RICTOR: variants seen among roughly 807,000 people sequenced by gnomAD.
RICTOR encodes the protein rapamycin-insensitive companion of mTOR.
In RICTOR, 49 loss-of-function variants were observed where a neutral mutation model predicts 214.9. The observed-to-expected ratio is 0.23, with a 90% CI of 0.18 to 0.29. RICTOR has a LOEUF of 0.29. Among genes scored for constraint, RICTOR ranks in the 10% least tolerant of loss-of-function variants. The pLI is 1.00. For missense variants in RICTOR, 1,625 were observed against 2,047.0 expected (o/e 0.79, Z 3.98); for synonymous variants, 717 against 711.3 (o/e 1.01, Z -0.13).
chr5:38,953,401 G>GA (rs973396917), intron 28 of RICTOR, 60 bp downstream of exon 28: 1,680 of 691,002 alleles, frequency 2.4e-3, no homozygotes, highest in South Asian at 4.2e-3. Context: ...TAGTATAAAT[G>GA]AAAAAAAAAC....
At chr5:38,968,738 A>T (rs760591751) in intron 11 of RICTOR, among the ~76,000 whole-genome samples, 159 of 131,448 alleles carry the variant, frequency 1.2e-3, no homozygotes, top group Non-Finnish European at 1.4e-3. Context: ...CCTGCCTCTT[A>T]AAAAAAAAAA....
At chr5:38,992,283 T>C (rs927817132) in intron 6 of RICTOR, among the ~76,000 whole-genome samples, 3 of 152,146 alleles carry the variant, frequency 2.0e-5, no homozygotes, top group Admixed American at 6.5e-5. Flanking sequence ...GAAGGAGGTA[T>C]AGGAAGTATA....
intron 2 of RICTOR, among the ~76,000 whole-genome samples, chr5:39,055,417 T>TG (rs1554012756): frequency 9.1e-6 from 1 of 109,486 alleles, no homozygotes; most frequent in African/African-American, 3.8e-5. Context: ...CTCTGACAAT[T>TG]CCCCCCCCCC....
At chr5:39,025,795 C>T (rs1755770897) in intron 2 of RICTOR, among the ~76,000 whole-genome samples, 1 of 152,148 alleles carries the variant, frequency 6.6e-6, no homozygotes, top group African/African-American at 2.4e-5. Context: ...AGAGGCCCAC[C>T]TCCTAATACC....
At chr5:39,002,473 C>A in intron 5 of RICTOR, 62 bp downstream of exon 5, 1 of 1,077,216 alleles carries the variant, frequency 9.3e-7, no homozygotes, top group Non-Finnish European at 1.4e-6. Context: ...CACTTTATGG[C>A]AGGCATGCTA....
Position 38,981,911 on chromosome 5 carries a change from G to T in RICTOR, c.709C>A (p.His237Asn), listed in dbSNP as rs990667473. Reference sequence around the variant, plus strand: ...CGCACATACTGTCGAGTCTTTGGATGATTAAGAAGGTGCAAAATTGTAGTA... The same window carrying T: ...CGCACATACTGTCGAGTCTTTGGATTATTAAGAAGGTGCAAAATTGTAGTA... ...LITTILHLLN[H>N]PKTRQYVRAD... The change falls in exon 8 of 38, where the codon CAT becomes AAT. Residue 237 changes from histidine (H) to asparagine (N), a missense_variant. Physicochemically the swap from His to Asn is moderately conservative, Grantham distance 68. Transcript: ENST00000357387. The T allele has an allele frequency of 1.2e-6, 2 of 1,612,844 alleles. No individual in the cohort carries two copies. The highest frequency in any genetic ancestry group is 1.6e-4 in the Middle Eastern group (1 of 6,080).
rs113585934 is a variant in RICTOR, at chr5:39,074,361, C to G, written c.17G>C (p.Arg6Pro). 2 of 1,537,584 alleles carry G rather than the reference C, an allele frequency of 1.3e-6. No homozygotes were observed. Among genetic ancestry groups the G allele is most frequent in the African/African-American group, 1.4e-5 (1 of 71,518 alleles). ...TCGGAGGTTCTTCAGAGAGCGGCCG[C>G]GGCCGATCGCCGCCATATTGACGGG... is the stretch of plus-strand genomic sequence containing the variant. Reference protein sequence around the residue: MAAIGRGRSLKNLRVR... With the variant: MAAIGPGRSLKNLRVR... Residue 6 changes from arginine (R) to proline (P), a missense_variant, in exon 1 of 38, where the codon CGC becomes CCC. Arg to Pro is a moderately radical substitution (Grantham distance 103). This residue lies in a region of RICTOR where 71 missense variants were observed against 57.9 expected (regional missense o/e 1.23). Coordinates refer to ENST00000357387, the MANE Select transcript of RICTOR (RefSeq NM_152756.5).
rs1315634862 is a variant in RICTOR at position 38,937,950 on chromosome 5, A to G, written c.*4354T>C. The stretch of plus-strand genomic sequence containing the variant: ...GAATTTTAAGTACATTTTATTAACA[A>G]TGTATCCCTTTGATAAGATTATGCT... On this transcript the variant is annotated 3_prime_UTR_variant, in exon 38 of 38. Coordinates refer to ENST00000357387, the MANE Select transcript of RICTOR (RefSeq NM_152756.5). The surrounding 1 kb of genome is among the most constrained non-coding windows in gnomAD (Gnocchi z 4.0). The G allele has an allele frequency of 5.4e-6, 1 of 184,268 alleles. No individual in the cohort carries two copies. The highest frequency in any genetic ancestry group is 2.3e-5 in the African/African-American group (1 of 42,612). The allele number at this position is 184,268 out of a possible 1,614,324, so 11.4% of individuals were successfully genotyped here. A position where few individuals can be genotyped will look rare whatever the true frequency, so the allele number is the denominator to read the frequency against.
chr5:38,947,291 G>A lies in RICTOR; in HGVS notation c.4287C>T (p.Leu1429=). 6.2e-7 allele frequency: 1 copy of A among 1,612,174 alleles called. No individual in the cohort carries two copies. Among genetic ancestry groups the A allele is most frequent in the Non-Finnish European group, 8.5e-7 (1 of 1,178,686 alleles). ...GGSDDYIGLA[L]PVDINDIFQV... is the part of the protein sequence containing the mutation. Reference sequence around the variant, plus strand: ...GGAATATATCATTTATATCCACCGGGAGAGCAAGACCAATGTAATCATCTG... The same window carrying A: ...GGAATATATCATTTATATCCACCGGAAGAGCAAGACCAATGTAATCATCTG... The change falls in exon 32 of 38, where the codon CTC becomes CTT. Residue 1429 remains leucine, a synonymous_variant. Transcript: ENST00000357387.
At chr5:38,958,607 A>C (rs1414672207) in intron 23 of RICTOR, 60 bp downstream of exon 23, 2 of 1,514,484 alleles carry the variant, frequency 1.3e-6, no homozygotes, top group Admixed American at 3.8e-5. Flanking sequence ...CTTTTACATA[A>C]TTGTCAAATG....
intron 2 of RICTOR, among the ~76,000 whole-genome samples, chr5:39,056,471 A>G (rs558729998): frequency 6.6e-5 from 10 of 152,048 alleles, no homozygotes; most frequent in African/African-American, 2.4e-4. Context: ...CTGTCTCTAC[A>G]AAAAATACCA....
At chr5:39,066,500 A>G (rs1190889800) in intron 2 of RICTOR, among the ~76,000 whole-genome samples, 2 of 152,260 alleles carry the variant, frequency 1.3e-5, no homozygotes, top group Admixed American at 1.3e-4. Flanking sequence ...TTATGCAAAT[A>G]TCTCTAGCAC....
chr5:38,954,163 G>A (rs1174942159), intron 27 of RICTOR, among the ~76,000 whole-genome samples: 4 of 151,800 alleles, frequency 2.6e-5, no homozygotes, highest in African/African-American at 9.7e-5. Flanking sequence ...AATAACTATT[G>A]TTCTGTCACA....
At chr5:38,953,156 A>G (rs1748941879) in intron 28 of RICTOR, 65 bp from the exon 29 acceptor site, 1 of 1,155,314 alleles carries the variant, frequency 8.7e-7, no homozygotes, top group Non-Finnish European at 1.3e-6. Flanking sequence ...TTGGAAAGCT[A>G]CCAAGAAACA....
rs1214547345 is a variant in RICTOR at position 38,952,383 on chromosome 5, T to C, written c.2940A>G (p.Gln980=). The C allele has an allele frequency of 1.9e-6, 3 of 1,612,812 alleles. No homozygotes were observed. The highest frequency in any genetic ancestry group is 2.5e-6 in the Non-Finnish European group (3 of 1,179,150). ...YVLGLIAKTK[Q]GCDILKCHNW... is the part of the protein sequence containing the mutation. The stretch of plus-strand genomic sequence containing the variant: ...TGTGACATTTTAGAATATCACAGCC[T>C]TGTTTGGTTTTAGCTATGAGCCCAA... Residue 980 remains glutamine, a synonymous_variant, in exon 30 of 38, where the codon CAA becomes CAG. Coordinates refer to ENST00000357387, the MANE Select transcript of RICTOR (RefSeq NM_152756.5).
At chr5:39,073,047 T>G (rs1759434240) in intron 2 of RICTOR, among the ~76,000 whole-genome samples, 1 of 152,242 alleles carries the variant, frequency 6.6e-6, no homozygotes, top group Non-Finnish European at 1.5e-5. Context: ...AGCCCAGCTT[T>G]AACAAATTAC....
chr5:38,959,053 A>C (rs1332377580), intron 22 of RICTOR, 142 bp downstream of exon 22: 1 of 676,284 alleles, frequency 1.5e-6, no homozygotes, highest in Non-Finnish European at 2.3e-6. Flanking sequence ...TACTATATGC[A>C]GTTCCTTGGA....
intron 19 of RICTOR, 28 bp from the exon 20 acceptor site, chr5:38,960,561 G>A (rs2150019112): frequency 6.2e-7 from 1 of 1,604,600 alleles, no homozygotes; most frequent in Non-Finnish European, 8.5e-7. Context: ...GTAGCAAAAA[G>A]GTAAGAAATG....
intron 3 of RICTOR, among the ~76,000 whole-genome samples, chr5:39,016,500 G>A (rs538261551): frequency 1.3e-5 from 2 of 152,012 alleles, no homozygotes; most frequent in Middle Eastern, 3.4e-3. Flanking sequence ...AGAGGAGGTG[G>A]AGCGAATAAC....
Sources: gnomAD v4.1 joint callset for allele counts (sites outside exome capture counted in the v4.1 genomes callset) on GRCh38, gnomAD v4.1.1 for gene constraint, gnomAD v4.1.1 regional missense constraint, Gnocchi (gnomAD v3.1) non-coding constraint, MANE v1.5 for transcripts, NCBI Gene and HGNC (gene_info 2026-07-23, HGNC 2026-07-21) for gene names.